Variants in MMP28 observed in about 807,000 individuals in gnomAD.
MMP28 encodes matrix metalloproteinase-28.
A neutral mutation model predicts 60.5 loss-of-function variants in MMP28; 55 were observed. That is an observed-to-expected ratio of 0.91 (90% confidence interval 0.73 to 1.14). MMP28 has a LOEUF of 1.14. Among genes scored for constraint, MMP28 ranks in the 50% most tolerant of loss-of-function variants. MMP28 has a pLI of 0.00. For synonymous variants in MMP28, 318 were observed against 312.5 expected, an observed-to-expected ratio of 1.02 and a Z score of -0.18; for missense variants, 686 against 738.3, an observed-to-expected ratio of 0.93 and a Z score of 0.82.
At chr17:35,774,965 C>T (rs1242940706) in intron 3 of MMP28, among the ~76,000 whole-genome samples, 3 of 152,188 alleles carry the variant, frequency 2.0e-5, no homozygotes, top group Non-Finnish European at 2.9e-5. Flanking sequence ...TTTCCCCTCA[C>T]AAACCTCTAA....
Position 35,766,168 on chromosome 17 carries a change from G to T in MMP28, c.*332C>A, listed in dbSNP as rs2085931852. The T allele has an allele frequency of 9.1e-7, 1 of 1,094,012 alleles. No homozygotes were observed. Among genetic ancestry groups the T allele is most frequent in the Middle Eastern group, 4.0e-4 (1 of 2,480 alleles). 67.8% of individuals were successfully genotyped at this position (1,094,012 alleles called of 1,614,324 possible). ...TTTTCATCCCCCTGCTTGGATCCCA[G>T]TGCTGTTACCTCTTGAAAGGAACTG... is the stretch of plus-strand genomic sequence containing the variant. On this transcript the variant is annotated 3_prime_UTR_variant, in exon 8 of 8. Coordinates refer to ENST00000605424, the MANE Select transcript of MMP28 (RefSeq NM_024302.5). The surrounding 1 kb of genome is among the most constrained non-coding windows in gnomAD (Gnocchi z 4.3).
At chr17:35,768,692 C>T (rs192312540) in intron 5 of MMP28, among the ~76,000 whole-genome samples, 65 of 152,284 alleles carry the variant, frequency 4.3e-4, no homozygotes, top group African/African-American at 1.5e-3. Flanking sequence ...CACGTGTAGT[C>T]CCAGCTACTT....
intron 1 of MMP28, among the ~76,000 whole-genome samples, chr17:35,784,515 C>A (rs985352632): frequency 5.9e-5 from 9 of 152,098 alleles, no homozygotes; most frequent in Non-Finnish European, 1.2e-4. Context: ...CTGGAGGTGT[C>A]CCTAACCCTC....
chr17:35,781,557 T>C (rs2086503835), intron 1 of MMP28, among the ~76,000 whole-genome samples: 1 of 152,196 alleles, frequency 6.6e-6, no homozygotes, highest in African/African-American at 2.4e-5. Flanking sequence ...ATCAAGTTAT[T>C]TGAGGCCAGT....
chr17:35,788,334 A>G (rs1016914186), intron 1 of MMP28, among the ~76,000 whole-genome samples: 2 of 152,188 alleles, frequency 1.3e-5, no homozygotes, highest in African/African-American at 4.8e-5. Context: ...GGTTCTCACT[A>G]GACTTGTGGG....
chr17:35,790,053 C>T (rs1271556127), intron 1 of MMP28, among the ~76,000 whole-genome samples: 1 of 141,768 alleles, frequency 7.1e-6, no homozygotes, highest in Non-Finnish European at 1.5e-5. Flanking sequence ...TGAGCCACCG[C>T]ACCTGGCTTT....
At position 35,766,442 on chromosome 17, in the gene MMP28, G is replaced by A; in HGVS notation, c.*58C>T. 5.4e-6 allele frequency: 8 copies of A among 1,489,648 alleles called. No individual in the cohort carries two copies. Among genetic ancestry groups the A allele is most frequent in the African/African-American group, 1.4e-5 (1 of 72,362 alleles). The allele number at this position is 1,489,648 out of a possible 1,614,324, so 92.3% of individuals were successfully genotyped here. ...TTCTAAGAGGGGTTCTGCCCCGGGG[G>A]TGGGGAACATGATTTTGCCCTGAGA... On this transcript the variant is annotated 3_prime_UTR_variant, in exon 8 of 8. Coordinates refer to ENST00000605424, the MANE Select transcript of MMP28 (RefSeq NM_024302.5). This position sits in a 1 kb window ranked among gnomAD's most constrained non-coding sequence, Gnocchi z 4.3.
chr17:35,789,910 C>A (rs1043587115), intron 1 of MMP28, among the ~76,000 whole-genome samples: 2 of 150,970 alleles, frequency 1.3e-5, no homozygotes, highest in Admixed American at 6.6e-5. Flanking sequence ...TACAGGCACA[C>A]ACCACCATGC....
At chr17:35,765,019 C>T (rs1470418173), downstream of MMP28, 1 of 153,334 alleles carries the variant, frequency 6.5e-6, no homozygotes, top group East Asian at 1.9e-4. Flanking sequence ...TTCCCTCATC[C>T]CTCTGACAAA....
intron 1 of MMP28, among the ~76,000 whole-genome samples, chr17:35,786,699 C>CAAAAAAA (rs200165337): frequency 4.4e-4 from 31 of 71,062 alleles, no homozygotes; most frequent in South Asian, 1.5e-3. Flanking sequence ...CCTGTCTCTA[C>CAAAAAAA]AAAAAAAAAA....
rs2086460202 is a variant in MMP28, at chr17:35,780,255, AT to A, written c.112-933del. 2.6e-5 allele frequency among the ~76,000 whole-genome samples: 4 copies of A among 152,010 alleles called. No individual in the cohort carries two copies. In the South Asian group the frequency reaches 8.3e-4, roughly 32 times the overall value. On this transcript the variant is annotated intron_variant, in intron 1 of 7. Coordinates refer to ENST00000605424, the MANE Select transcript of MMP28 (RefSeq NM_024302.5). ...GGGTAATTTCTTGTATTTAGTAGAG[AT>A]GGGGTTTCACCATGTTGGCTAGGCT...
At chr17:35,790,344 C>A (rs2086779061) in intron 1 of MMP28, among the ~76,000 whole-genome samples, 1 of 151,954 alleles carries the variant, frequency 6.6e-6, no homozygotes, top group Admixed American at 6.5e-5. Context: ...GGATTACAGG[C>A]ATGAGCCATC....
chr17:35,767,032 T>C (rs947759622), intron 7 of MMP28, 138 bp from the exon 8 acceptor site: 17 of 823,238 alleles, frequency 2.1e-5, no homozygotes, highest in Non-Finnish European at 3.0e-5. Context: ...TCAAACGGAT[T>C]GCACTACAAA....
At chr17:35,779,578 A>T (rs765477832) in intron 1 of MMP28, among the ~76,000 whole-genome samples, 6 of 152,158 alleles carry the variant, frequency 3.9e-5, no homozygotes, top group Non-Finnish European at 7.3e-5. Context: ...TATGCCTAAA[A>T]CTGGGCCAGT....
rs376557103 is a variant in MMP28 at position 35,773,397 on chromosome 17, T to C, written c.387A>G (p.Lys129=). The C allele has an allele frequency of 3.1e-6, 5 of 1,592,752 alleles. No homozygotes were observed. Among genetic ancestry groups the C allele is most frequent in the South Asian group, 1.1e-5 (1 of 88,380 alleles). Residue 129 remains lysine, a synonymous_variant, in exon 4 of 8, where the codon AAA becomes AAG. Transcript: ENST00000605424. ...RKKRFAKQGN[K]WYKQHLSYRL... ...GGTAGGAGAGGTGCTGCTTGTACCATTTGTTACCTGCCACCCAGAAAGCCC... is the reference window on the plus strand; with the variant it reads ...GGTAGGAGAGGTGCTGCTTGTACCACTTGTTACCTGCCACCCAGAAAGCCC...
chr17:35,759,451 G>A (rs1198149269), intron 2 of MMP28, among the ~76,000 whole-genome samples: 2 of 152,078 alleles, frequency 1.3e-5, no homozygotes, highest in Admixed American at 1.3e-4. Context: ...CCTGTCATCT[G>A]AGCACTTTGG....
intron 6 of MMP28, 52 bp downstream of exon 6, chr17:35,768,178 T>G (rs898164319): frequency 4.7e-5 from 73 of 1,547,468 alleles, no homozygotes; most frequent in Non-Finnish European, 5.2e-5. Flanking sequence ...CTGGAGACAC[T>G]AAGAGATATG....
downstream of MMP28, chr17:35,764,194 A>C (rs768573818): frequency 1.2e-5 from 19 of 1,547,880 alleles, no homozygotes; most frequent in Non-Finnish European, 1.6e-5. Flanking sequence ...AGCGGCGCTC[A>C]GTGTCCTACT....
intron 3 of MMP28, 109 bp downstream of exon 3, chr17:35,778,779 G>A: frequency 6.3e-7 from 1 of 1,595,004 alleles, no homozygotes; most frequent in African/African-American, 1.3e-5. Flanking sequence ...CCGTGCCCTA[G>A]GGAAGAGAGG....
Sources: allele counts gnomAD v4.1 joint callset (sites outside exome capture counted in the v4.1 genomes callset), GRCh38; gene constraint gnomAD v4.1.1; non-coding constraint Gnocchi (gnomAD v3.1); transcripts MANE v1.5; gene names NCBI Gene and HGNC (gene_info 2026-07-23, HGNC 2026-07-21).